Variants in USP35 observed in about 807,000 individuals in gnomAD.
USP35 encodes the protein ubiquitin specific peptidase 35.
In USP35, 69 loss-of-function variants were observed where a neutral mutation model predicts 83.8. The ratio of observed to expected loss-of-function variants is 0.82; its 90% CI spans 0.68 to 1.01. USP35 has a LOEUF of 1.01. Ranked by LOEUF, USP35 falls within the 50% of genes least tolerant of loss-of-function variation. USP35 has a pLI of 0.00. For synonymous variants in USP35, 714 were observed against 589.5 expected, an observed-to-expected ratio of 1.21 and a Z score of -3.06; for missense variants, 1,503 against 1,362.5, an observed-to-expected ratio of 1.10 and a Z score of -1.62.
downstream of USP35, chr11:78,216,957 G>C (rs1429429444): frequency 1.3e-5 from 2 of 152,266 alleles, no homozygotes; most frequent in Admixed American, 6.5e-5. Flanking sequence ...CTACACTTCT[G>C]AGTGGCTGGA....
At position 78,214,528 on chromosome 11, in the gene USP35, G is replaced by GTGAAGT. The variant is rs1451373141; in HGVS notation, c.*716_*721dup. ...TACTGCAAAGGTGTTCATGTTCCTT[G>GTGAAGT]TGAAGTGTGGGCTCTTAGGAAGCCT... On this transcript the variant is annotated 3_prime_UTR_variant, in exon 11 of 11. Coordinates refer to ENST00000529308, the MANE Select transcript of USP35 (RefSeq NM_020798.4). The GTGAAGT allele has an allele frequency of 3.9e-5, 6 of 152,222 alleles. No individual in the cohort carries two copies. The East Asian group carries it at 1.2e-3, about 29-fold the overall frequency. The allele number at this position is 152,222 out of a possible 1,614,324, so 9.4% of individuals were successfully genotyped here.
chr11:78,200,322 G>C, intron 5 of USP35, 88 bp downstream of exon 5: 1 of 1,463,420 alleles, frequency 6.8e-7, no homozygotes. Context: ...TAAGGGCCCT[G>C]CCTGCTGACC....
chr11:78,196,139 G>C lies in USP35; in HGVS notation c.-10-97G>C. 6.9e-7 allele frequency: 1 copy of C among 1,441,820 alleles called. No homozygotes were observed. Among genetic ancestry groups the C allele is most frequent in the Non-Finnish European group, 9.1e-7 (1 of 1,104,634 alleles). 89.3% of individuals were successfully genotyped at this position (1,441,820 alleles called of 1,614,324 possible). On this transcript the variant is annotated intron_variant, in intron 1 of 10. Coordinates refer to ENST00000529308, the MANE Select transcript of USP35 (RefSeq NM_020798.4). The surrounding 1 kb of genome is among the most constrained non-coding windows in gnomAD (Gnocchi z 4.8). ...GAGAAAACTGAGGCCCAGAAAGTTT[G>C]AGTTGCTTGCCCTAAGTCTCAGCAC...
intron 3 of USP35, 29 bp from the exon 4 acceptor site, chr11:78,199,566 C>T (rs765983071): frequency 6.8e-6 from 11 of 1,613,820 alleles, no homozygotes; most frequent in Non-Finnish European, 9.3e-6. Flanking sequence ...TGTCCCTTGT[C>T]CCTGTGTCAC....
At position 78,210,417 on chromosome 11, in the gene USP35, T is replaced by C; in HGVS notation, c.2562T>C (p.Ser854=). 6.2e-7 allele frequency: 1 copy of C among 1,614,100 alleles called. No homozygotes were observed. The highest frequency in any genetic ancestry group is 8.5e-7 in the Non-Finnish European group (1 of 1,180,044). ...AYDLCSVVVH[S]GVSSESGHYY... ...ACCTCTGCAGTGTGGTGGTGCACTC[T>C]GGAGTGTCTTCGGAGAGTGGTCACT... is the stretch of plus-strand genomic sequence containing the variant. The change falls in exon 10 of 11, where the codon TCT becomes TCC. Residue 854 remains serine, a synonymous_variant. Transcript: ENST00000529308.
chr11:78,205,701 C>T, intron 6 of USP35, 141 bp from the exon 7 acceptor site: 1 of 873,352 alleles, frequency 1.1e-6, no homozygotes, highest in Admixed American at 2.8e-5. Flanking sequence ...TGTTCACACA[C>T]ACCCCAGAAC....
the USP35 span, chr11:78,220,547 A>C: frequency 1.1e-5 from 10 of 927,826 alleles, no homozygotes; most frequent in African/African-American, 1.5e-4. Context: ...CCTGAGCCCT[A>C]CTCTGACACA....
the USP35 span, chr11:78,226,939 C>G: frequency 6.2e-7 from 1 of 1,613,888 alleles, no homozygotes. Context: ...AAGCCATGGA[C>G]TTGACCACTG....
At chr11:78,220,390 TA>T in the USP35 span, 1 of 1,612,552 alleles carries the variant, frequency 6.2e-7, no homozygotes, top group Non-Finnish European at 8.5e-7. Flanking sequence ...GTGCTCTTCT[TA>T]GGGGCAGGAC....
At chr11:78,216,824 T>G (rs943865380), downstream of USP35, 3 of 152,122 alleles carry the variant, frequency 2.0e-5, no homozygotes, top group African/African-American at 7.2e-5. Context: ...TGGGGCCCCT[T>G]GTAGGGGGCC....
At chr11:78,198,187 C>CTG in intron 3 of USP35, 119 bp downstream of exon 3, 1 of 1,444,166 alleles carries the variant, frequency 6.9e-7, no homozygotes, top group Non-Finnish European at 9.4e-7. Context: ...CCCAGGCCCT[C>CTG]ATGTGTGTTC....
rs1461479349 is a variant in USP35, at chr11:78,210,191, GCTA to G, written c.2342_2344del (p.Tyr781del). 6.2e-7 allele frequency: 1 copy of G among 1,613,798 alleles called. No individual in the cohort carries two copies. The highest frequency in any genetic ancestry group is 8.5e-7 in the Non-Finnish European group (1 of 1,180,008). ...CCCGAGAAGCTGACAGCAGAAAACC[GCTA>G]CTACTGCGAGTCGTGTGCCTCCCTG... On this transcript the variant is annotated inframe_deletion, in exon 10 of 11. Transcript: ENST00000529308.
intron 1 of USP35, among the ~76,000 whole-genome samples, chr11:78,193,192 T>A (rs980746375): frequency 2.0e-5 from 3 of 151,852 alleles, no homozygotes; most frequent in African/African-American, 7.3e-5. Flanking sequence ...TAAAAAAATT[T>A]TTTTTCTTTT....
At chr11:78,194,584 A>T (rs773396256) in intron 1 of USP35, among the ~76,000 whole-genome samples, 2 of 152,194 alleles carry the variant, frequency 1.3e-5, no homozygotes, top group African/African-American at 2.4e-5. Context: ...TACGTGTTAG[A>T]TGTTAAGAGA....
the USP35 span, among the ~76,000 whole-genome samples, chr11:78,220,712 T>C: frequency 8.9e-4 from 136 of 152,278 alleles, no homozygotes; most frequent in African/African-American, 3.2e-3. Context: ...TGCACAGCTG[T>C]TGAGTGATGG....
At chr11:78,205,282 A>G (rs1863496290) in intron 6 of USP35, among the ~76,000 whole-genome samples, 2 of 152,356 alleles carry the variant, frequency 1.3e-5, no homozygotes, top group South Asian at 4.1e-4. Context: ...CTGCAAATCT[A>G]AAAGTAAAAG....
intron 7 of USP35, chr11:78,207,199 C>G (rs1403743737): frequency 4.6e-6 from 1 of 218,830 alleles, no homozygotes; most frequent in Non-Finnish European, 9.1e-6. Context: ...GTGGCATGTC[C>G]TAACCCTAGA....
chr11:78,196,359 C>CCTGGCGCTG lies in USP35; in HGVS notation c.124_132dup (p.Leu42_Leu44dup), dbSNP rs1258283011. On this transcript the variant is annotated inframe_insertion, in exon 2 of 11. Transcript: ENST00000529308. This position sits in a 1 kb window ranked among gnomAD's most constrained non-coding sequence, Gnocchi z 4.8. ...GGCAGCCGCTGGAGCGTGAGCAGTG[C>CCTGGCGCTG]CTGGCGCTGCTGGCGCTGGGCGCGC... The CCTGGCGCTG allele has an allele frequency of 1.3e-6, 2 of 1,542,516 alleles. No homozygotes were observed. Among genetic ancestry groups the CCTGGCGCTG allele is most frequent in the South Asian group, 2.3e-5 (2 of 85,930 alleles).
intron 7 of USP35, chr11:78,207,299 G>A: frequency 1.9e-6 from 1 of 517,890 alleles, no homozygotes; most frequent in Non-Finnish European, 3.5e-6. Flanking sequence ...GGTCACCTTT[G>A]TACCCTTCAT....
Sources: allele counts gnomAD v4.1 joint callset (sites outside exome capture counted in the v4.1 genomes callset), GRCh38; gene constraint gnomAD v4.1.1; non-coding constraint Gnocchi (gnomAD v3.1); transcripts MANE v1.5; gene names NCBI Gene and HGNC (gene_info 2026-07-23, HGNC 2026-07-21).